The following DLG2 variants were observed in gnomAD, a reference collection of about 807,000 sequenced individuals.
DLG2 encodes the protein disks large homolog 2.
DLG2 carries 45 observed loss-of-function variants against 132.5 expected under a neutral mutation model. The observed-to-expected ratio is 0.34, with a 90% confidence interval of 0.27 to 0.44. DLG2 has a LOEUF of 0.44. Among genes scored for constraint, DLG2 ranks in the 20% least tolerant of loss-of-function variants. The probability of loss-of-function intolerance (pLI) is 1.00; values close to 1 mark genes in which losing one functional copy is unlikely to be tolerated. For synonymous variants in DLG2, 424 were observed against 419.6 expected (o/e 1.01, Z -0.13); for missense variants, 1,045 against 1,196.9 (o/e 0.87, Z 1.87).
intron 7 of DLG2, among the ~76,000 whole-genome samples, chr11:84,283,026 A>G (rs1350802458): frequency 6.6e-6 from 1 of 152,194 alleles, no homozygotes; most frequent in East Asian, 1.9e-4. Flanking sequence ...TATGTCATAT[A>G]TGCTGGTAAT....
intron 6 of DLG2, among the ~76,000 whole-genome samples, chr11:84,808,683 C>T (rs1357252290): frequency 6.6e-6 from 1 of 151,924 alleles, no homozygotes; most frequent in Non-Finnish European, 1.5e-5. Context: ...CAGTTCTATA[C>T]ACATAAATTT....
intron 18 of DLG2, among the ~76,000 whole-genome samples, chr11:83,691,546 C>T (rs1339539708): frequency 6.6e-6 from 1 of 152,188 alleles, no homozygotes; most frequent in East Asian, 1.9e-4. Context: ...TGCTGGAAAC[C>T]TCATTACTGG....
chr11:84,540,643 A>G (rs1164393864), intron 6 of DLG2, among the ~76,000 whole-genome samples: 1 of 152,276 alleles, frequency 6.6e-6, no homozygotes, highest in Middle Eastern at 3.4e-3. Flanking sequence ...CGATTCCTCA[A>G]GGATCTAGAA....
chr11:84,307,276 T>G (rs2098230085), intron 7 of DLG2, among the ~76,000 whole-genome samples: 1 of 152,098 alleles, frequency 6.6e-6, no homozygotes, highest in African/African-American at 2.4e-5. Context: ...ACGTCGTCAC[T>G]TATAAATGGG....
chr11:84,414,051 C>A (rs1441843736), intron 7 of DLG2, among the ~76,000 whole-genome samples: 1 of 152,160 alleles, frequency 6.6e-6, no homozygotes, highest in Non-Finnish European at 1.5e-5. Flanking sequence ...CAATTATATG[C>A]AATTTGTACT....
intron 9 of DLG2, among the ~76,000 whole-genome samples, chr11:84,107,100 G>A (rs1387778054): frequency 2.6e-5 from 4 of 151,770 alleles, no homozygotes; most frequent in Non-Finnish European, 5.9e-5. Context: ...GGATGGCAGG[G>A]AGGGGACTCA....
chr11:85,355,311 T>A (rs1298693281), intron 3 of DLG2, among the ~76,000 whole-genome samples: 2 of 152,192 alleles, frequency 1.3e-5, no homozygotes, highest in Non-Finnish European at 2.9e-5. Context: ...TTAATTACTT[T>A]AAAACATTTT....
At chr11:84,210,215 G>A (rs941027786) in intron 8 of DLG2, among the ~76,000 whole-genome samples, 8 of 151,842 alleles carry the variant, frequency 5.3e-5, no homozygotes, top group Non-Finnish European at 1.5e-5. Flanking sequence ...CCTGGGAGGT[G>A]GAGGTTACAG....
chr11:84,684,829 C>A (rs984280391), intron 6 of DLG2, among the ~76,000 whole-genome samples: 1 of 152,160 alleles, frequency 6.6e-6, no homozygotes, highest in Non-Finnish European at 1.5e-5. Flanking sequence ...CTCATGGTTA[C>A]TTTTCTTGCT....
intron 18 of DLG2, among the ~76,000 whole-genome samples, chr11:83,709,844 G>A (rs566995711): frequency 6.6e-6 from 1 of 152,172 alleles, no homozygotes; most frequent in Non-Finnish European, 1.5e-5. Context: ...GAGAAAGAAG[G>A]TTCTAAGCGT....
chr11:84,129,545 C>T (rs1002226853), intron 9 of DLG2, among the ~76,000 whole-genome samples: 1 of 151,988 alleles, frequency 6.6e-6, no homozygotes, highest in African/African-American at 2.4e-5. Flanking sequence ...TGTGAGATGG[C>T]CTGTCATCTT....
chr11:84,432,210 G>T (rs989082400), intron 7 of DLG2, among the ~76,000 whole-genome samples: 6 of 152,204 alleles, frequency 3.9e-5, no homozygotes, highest in Non-Finnish European at 8.8e-5. Context: ...ATACAGCCAG[G>T]CTGTGATTAG....
chr11:84,205,387 G>A (rs745682968), intron 8 of DLG2, among the ~76,000 whole-genome samples: 5 of 151,838 alleles, frequency 3.3e-5, no homozygotes, highest in Non-Finnish European at 4.4e-5. Context: ...TGACCAAATT[G>A]GCACTATATA....
chr11:83,584,174 G>C (rs2097037085), intron 19 of DLG2, among the ~76,000 whole-genome samples: 1 of 152,172 alleles, frequency 6.6e-6, no homozygotes. Context: ...ACTTGTCTGA[G>C]TATTAGAGTC....
At chr11:84,461,596 A>G (rs2154485633) in intron 7 of DLG2, among the ~76,000 whole-genome samples, 1 of 151,212 alleles carries the variant, frequency 6.6e-6, no homozygotes, top group East Asian at 1.9e-4. Flanking sequence ...TTGATATAAA[A>G]TAATTGGATC....
intron 3 of DLG2, among the ~76,000 whole-genome samples, chr11:85,346,713 C>T (rs987635784): frequency 1.3e-5 from 2 of 152,072 alleles, no homozygotes; most frequent in Admixed American, 6.5e-5. Context: ...TTTCCTAGCC[C>T]TCACTCAAAA....
intron 8 of DLG2, among the ~76,000 whole-genome samples, chr11:84,197,263 G>A (rs1271806774): frequency 6.6e-6 from 1 of 151,912 alleles, no homozygotes; most frequent in Non-Finnish European, 1.5e-5. Flanking sequence ...CCTTTGAATG[G>A]GTCCCTAATG....
At chr11:85,398,592 G>C (rs1287060932) in intron 3 of DLG2, among the ~76,000 whole-genome samples, 1 of 151,934 alleles carries the variant, frequency 6.6e-6, no homozygotes, top group African/African-American at 2.4e-5. Flanking sequence ...AATGATAAAG[G>C]GGATATCACC....
chr11:84,997,763 G>A (rs1289080277), intron 6 of DLG2: 2 of 152,190 alleles, frequency 1.3e-5, no homozygotes, highest in Admixed American at 1.3e-4. Flanking sequence ...AGCCTCTTTA[G>A]CATGGCAGGG....
Sources: allele counts gnomAD v4.1 joint callset (sites outside exome capture counted in the v4.1 genomes callset), GRCh38; gene constraint gnomAD v4.1.1; transcripts MANE v1.5; gene names NCBI Gene and HGNC (gene_info 2026-07-23, HGNC 2026-07-21).